SCTR: variants seen among roughly 807,000 people sequenced by gnomAD.
The protein encoded by SCTR is secretin receptor, also known as pancreatic secretin receptor.
A neutral mutation model predicts 60.8 loss-of-function variants in SCTR; 56 were observed. That is an observed-to-expected ratio of 0.92 (90% CI 0.74 to 1.15). SCTR has a LOEUF of 1.15. Ranked by LOEUF, SCTR falls within the 50% of genes most tolerant of loss-of-function variation. The probability of loss-of-function intolerance (pLI) is 0.00; values close to 1 mark genes in which losing one functional copy is unlikely to be tolerated. For synonymous variants in SCTR, 202 were observed against 217.0 expected (o/e 0.93, Z 0.61); for missense variants, 562 against 550.4 (o/e 1.02, Z -0.21).
chr2:119,468,105 C>T (rs1232904764), intron 4 of SCTR, among the ~76,000 whole-genome samples: 1 of 152,112 alleles, frequency 6.6e-6, no homozygotes, highest in African/African-American at 2.4e-5. Context: ...AGAGATATGG[C>T]TGATGTTAAC....
At chr2:119,444,405 GAA>G (rs1328925198) in intron 11 of SCTR, among the ~76,000 whole-genome samples, 12 of 95,560 alleles carry the variant, frequency 1.3e-4, no homozygotes, top group South Asian at 3.4e-4. Context: ...ATATACGTAT[GAA>G]TATATATACC....
rs144953560 is a variant in SCTR, at chr2:119,507,523, T to C, written c.73-12975A>G. 8.6e-4 allele frequency among the ~76,000 whole-genome samples: 131 copies of C among 152,254 alleles called. 1 individual carries two copies. The highest frequency in any genetic ancestry group is 2.8e-3 in the African/African-American group (115 of 41,562). On this transcript the variant is annotated intron_variant, in intron 1 of 12. Coordinates refer to ENST00000019103, the MANE Select transcript of SCTR (RefSeq NM_002980.3). Reference sequence around the variant, plus strand: ...CGTCCCCTGGCTGTCACTAGTAAGGTAGGCTGGGGACTCAGCAGCAGTTAT... The same window carrying C: ...CGTCCCCTGGCTGTCACTAGTAAGGCAGGCTGGGGACTCAGCAGCAGTTAT...
Position 119,453,342 on chromosome 2 carries a change from G to A in SCTR, c.796C>T (p.Pro266Ser). 1 of 1,613,290 alleles carries A rather than the reference G, an allele frequency of 6.2e-7. No homozygotes were observed. The highest frequency in any genetic ancestry group is 8.5e-7 in the Non-Finnish European group (1 of 1,179,230). ...QGFVAFGWGS[P>S]AIFVALWAIA... The stretch of plus-strand genomic sequence containing the variant: ...GCCCACAAAGCAACAAAAATGGCTG[G>A]AGAACCTGAGGATTAAAAACAAAGG... Residue 266 changes from proline (P) to serine (S), a missense_variant, in exon 8 of 13, where the codon CCA becomes TCA. Physicochemically the swap from Pro to Ser is moderately conservative, Grantham distance 74. Coordinates refer to ENST00000019103, the MANE Select transcript of SCTR (RefSeq NM_002980.3).
intron 4 of SCTR, among the ~76,000 whole-genome samples, chr2:119,472,617 G>A (rs1367197213): frequency 6.6e-6 from 1 of 152,154 alleles, no homozygotes; most frequent in African/African-American, 2.4e-5. Flanking sequence ...AGAGCCGGGA[G>A]ACTCCTTCGA....
chr2:119,490,707 G>A (rs1215515325), intron 2 of SCTR, among the ~76,000 whole-genome samples: 1 of 152,160 alleles, frequency 6.6e-6, no homozygotes, highest in Non-Finnish European at 1.5e-5. Context: ...TCTGCCACGG[G>A]GGTGTACCTC....
intron 2 of SCTR, among the ~76,000 whole-genome samples, chr2:119,483,997 C>T (rs979519122): frequency 2.0e-5 from 3 of 152,098 alleles, no homozygotes; most frequent in Non-Finnish European, 4.4e-5. Flanking sequence ...AGCTTAGCTT[C>T]GGATACCTGT....
At chr2:119,515,186 G>C (rs946435304) in intron 1 of SCTR, among the ~76,000 whole-genome samples, 4 of 152,172 alleles carry the variant, frequency 2.6e-5, no homozygotes, top group Non-Finnish European at 5.9e-5. Context: ...GTCTCCAACA[G>C]GGGCCAGAGA....
intron 2 of SCTR, among the ~76,000 whole-genome samples, chr2:119,493,461 G>A (rs940250221): frequency 3.3e-5 from 5 of 152,070 alleles, no homozygotes; most frequent in Admixed American, 6.6e-5. Context: ...AAGATGAGAC[G>A]TTTAGTAAGG....
At chr2:119,440,557 T>C (rs1306469735) in intron 12 of SCTR, among the ~76,000 whole-genome samples, 3 of 152,218 alleles carry the variant, frequency 2.0e-5, no homozygotes, top group Admixed American at 6.5e-5. Flanking sequence ...TGGGGAAAGC[T>C]AGCTCCCTGG....
chr2:119,504,361 G>A (rs1678660031), intron 1 of SCTR, among the ~76,000 whole-genome samples: 1 of 152,140 alleles, frequency 6.6e-6, no homozygotes, highest in African/African-American at 2.4e-5. Flanking sequence ...GGGAGGCTGA[G>A]GCAGGCGGAT....
chr2:119,443,154 A>C lies in SCTR; in HGVS notation c.1141-1555T>G, dbSNP rs1174422897. On this transcript the variant is annotated intron_variant, in intron 11 of 12. Coordinates refer to ENST00000019103, the MANE Select transcript of SCTR (RefSeq NM_002980.3). Reference sequence around the variant, plus strand: ...GTCCAGGGACACATTTTCACTGTTCAGGGGAGGGAGTTAGCTGTGCTCCAG... The same window carrying C: ...GTCCAGGGACACATTTTCACTGTTCCGGGGAGGGAGTTAGCTGTGCTCCAG... Among the ~76,000 whole-genome samples, 3 of 152,178 alleles carry C rather than the reference A, an allele frequency of 2.0e-5. No homozygotes were observed. In the East Asian group the frequency reaches 5.8e-4, roughly 29 times the overall value.
In SCTR at chr2:119,451,996, G is replaced by A. The variant is rs1683188655; in HGVS notation, c.921+14C>T. Reference sequence around the variant, plus strand: ...TCCCACTGATCCCCAGCTAGGGAGAGGAGGGCCACTCACCAGGATGGAGAG... The same window carrying A: ...TCCCACTGATCCCCAGCTAGGGAGAAGAGGGCCACTCACCAGGATGGAGAG... On this transcript the variant is annotated intron_variant, in intron 9 of 12. Coordinates refer to ENST00000019103, the MANE Select transcript of SCTR (RefSeq NM_002980.3). 5 of 1,551,046 alleles carry A rather than the reference G, an allele frequency of 3.2e-6. No homozygotes were observed. The highest frequency in any genetic ancestry group is 1.1e-5 in the South Asian group (1 of 88,152).
At chr2:119,498,770 A>T (rs1193987839) in intron 1 of SCTR, among the ~76,000 whole-genome samples, 1 of 152,086 alleles carries the variant, frequency 6.6e-6, no homozygotes, top group Non-Finnish European at 1.5e-5. Context: ...AGAATTTTAA[A>T]AATTGTTCAA....
chr2:119,500,072 C>A (rs1463234414), intron 1 of SCTR, among the ~76,000 whole-genome samples: 2 of 152,166 alleles, frequency 1.3e-5, no homozygotes, highest in African/African-American at 2.4e-5. Context: ...AGAAGACATA[C>A]AAATGGCAGC....
At chr2:119,515,595 C>T (rs1679086500) in intron 1 of SCTR, among the ~76,000 whole-genome samples, 1 of 152,168 alleles carries the variant, frequency 6.6e-6, no homozygotes, top group South Asian at 2.1e-4. Flanking sequence ...TCTCTCTTTC[C>T]TGGAACTGGG....
intron 7 of SCTR, among the ~76,000 whole-genome samples, chr2:119,460,041 G>A (rs1683539266): frequency 6.6e-6 from 1 of 151,918 alleles, no homozygotes; most frequent in Non-Finnish European, 1.5e-5. Context: ...GATGGCCCGG[G>A]GTCAGGTGCT....
chr2:119,501,913 A>G (rs1678566480), intron 1 of SCTR, among the ~76,000 whole-genome samples: 1 of 151,140 alleles, frequency 6.6e-6, no homozygotes. Context: ...AAACACACAC[A>G]AACAAATTGT....
chr2:119,522,450 C>T (rs1218659808), intron 1 of SCTR, among the ~76,000 whole-genome samples: 2 of 152,182 alleles, frequency 1.3e-5, no homozygotes, highest in African/African-American at 4.8e-5. Context: ...GGCTCTACTA[C>T]TAACTTGCTG....
intron 1 of SCTR, among the ~76,000 whole-genome samples, chr2:119,515,642 G>T (rs2104949620): frequency 6.6e-6 from 1 of 152,252 alleles, no homozygotes; most frequent in South Asian, 2.1e-4. Flanking sequence ...AGAATCCCAG[G>T]TTCTACAGCC....
Sources: gnomAD v4.1 joint callset for allele counts (sites outside exome capture counted in the v4.1 genomes callset) on GRCh38, gnomAD v4.1.1 for gene constraint, MANE v1.5 for transcripts, NCBI Gene and HGNC (gene_info 2026-07-23, HGNC 2026-07-21) for gene names.